DRICH1: variants seen among roughly 807,000 people sequenced by gnomAD.
DRICH1 encodes aspartate rich 1, also known as aspartate-rich protein 1.
A neutral mutation model predicts 39.5 loss-of-function variants in DRICH1; 38 were observed. The ratio of observed to expected loss-of-function variants is 0.96; its 90% CI spans 0.74 to 1.26. The LOEUF (loss-of-function observed/expected upper bound fraction) is 1.26. DRICH1 is among the 50% of genes most tolerant of loss of function. The probability of loss-of-function intolerance (pLI) is 0.00; values close to 1 mark genes in which losing one functional copy is unlikely to be tolerated. For missense variants in DRICH1, 279 were observed against 270.4 expected (o/e 1.03, Z -0.22); for synonymous variants, 84 against 99.5 (o/e 0.84, Z 0.93).
chr22:23,585,098 CCTCT>C, the DRICH1 span, among the ~76,000 whole-genome samples: 2 of 150,942 alleles, frequency 1.3e-5, no homozygotes, highest in Non-Finnish European at 3.0e-5. Flanking sequence ...TCTTTTTTTT[CCTCT>C]CTCTCTCCTT....
In DRICH1 at chr22:23,632,212, T is replaced by A; in HGVS notation, c.-189A>T. 1.1e-6 allele frequency: 1 copy of A among 907,124 alleles called. No individual in the cohort carries two copies. The highest frequency in any genetic ancestry group is 1.6e-6 in the Non-Finnish European group (1 of 617,634). The allele number at this position is 907,124 out of a possible 1,614,324, so 56.2% of individuals were successfully genotyped here. A position where few individuals can be genotyped will look rare whatever the true frequency, so the allele number is the denominator to read the frequency against. On this transcript the variant is annotated 5_prime_UTR_variant, in exon 1 of 12. Coordinates refer to ENST00000317749, the MANE Select transcript of DRICH1 (RefSeq NM_016449.4). ...TAGCTGGTCTATGAGGTCAGGGACC[T>A]GCTGTCTTCTTTGAAAAATAAACGA...
At chr22:23,609,143 C>A (rs1490425494) in intron 11 of DRICH1, among the ~76,000 whole-genome samples, 1 of 152,088 alleles carries the variant, frequency 6.6e-6, no homozygotes, top group East Asian at 1.9e-4. Flanking sequence ...AAACTGACAC[C>A]CCAGACAGCT....
chr22:23,591,157 C>T, the DRICH1 span, among the ~76,000 whole-genome samples: 2 of 152,150 alleles, frequency 1.3e-5, no homozygotes, highest in African/African-American at 2.4e-5. Context: ...ACAGCTGGAA[C>T]GGGGCTCCCC....
the DRICH1 span, among the ~76,000 whole-genome samples, chr22:23,601,207 G>C: frequency 2.6e-5 from 4 of 151,836 alleles, no homozygotes; most frequent in African/African-American, 9.7e-5. Flanking sequence ...CATTCAACTG[G>C]TGAATGGCTA....
downstream of DRICH1, among the ~76,000 whole-genome samples, chr22:23,606,415 A>G (rs1926734212): frequency 1.3e-5 from 2 of 152,068 alleles, no homozygotes; most frequent in South Asian, 4.2e-4. Flanking sequence ...CCCCCTTCCC[A>G]TAGAGCCCCA....
At chr22:23,594,343 T>C in the DRICH1 span, among the ~76,000 whole-genome samples, 2 of 151,922 alleles carry the variant, frequency 1.3e-5, no homozygotes, top group East Asian at 3.9e-4. Context: ...CCAAGGGAGG[T>C]GGATCACCTG....
the DRICH1 span, among the ~76,000 whole-genome samples, chr22:23,585,193 A>G: frequency 1.3e-5 from 2 of 151,794 alleles, no homozygotes; most frequent in African/African-American, 4.8e-5. Context: ...GCTGGAGTGC[A>G]GTGGTGCAAT....
downstream of DRICH1, among the ~76,000 whole-genome samples, chr22:23,605,210 C>T (rs1273926732): frequency 1.3e-5 from 2 of 152,154 alleles, no homozygotes; most frequent in African/African-American, 4.8e-5. Flanking sequence ...TGTAAATGAA[C>T]CCAGATGCTC....
the DRICH1 span, among the ~76,000 whole-genome samples, chr22:23,601,465 C>T: frequency 6.6e-6 from 1 of 152,216 alleles, no homozygotes; most frequent in Non-Finnish European, 1.5e-5. Flanking sequence ...CCAGAAATCA[C>T]ATACTGTATG....
chr22:23,595,250 A>G, the DRICH1 span, among the ~76,000 whole-genome samples: 1 of 147,766 alleles, frequency 6.8e-6, no homozygotes, highest in Admixed American at 6.8e-5. Context: ...TCCCAATATA[A>G]GCTCTTGGTC....
chr22:23,590,159 T>C, the DRICH1 span, among the ~76,000 whole-genome samples: 1 of 152,194 alleles, frequency 6.6e-6, no homozygotes, highest in Admixed American at 6.5e-5. Context: ...TCCAGAGCCA[T>C]GAATCCTGGC....
chr22:23,597,462 C>T, the DRICH1 span, among the ~76,000 whole-genome samples: 43,735 of 120,442 alleles, frequency 0.36, 8,180 homozygotes, highest in East Asian at 0.5. Flanking sequence ...ATGATCACAC[C>T]ACTGCACTCC....
chr22:23,581,858 C>T, the DRICH1 span, among the ~76,000 whole-genome samples: 1 of 151,958 alleles, frequency 6.6e-6, no homozygotes, highest in Non-Finnish European at 1.5e-5. Context: ...CCCGCCTGGG[C>T]CTCCCAAAGT....
chr22:23,611,029 C>T (rs548763728), intron 11 of DRICH1, among the ~76,000 whole-genome samples: 2 of 152,190 alleles, frequency 1.3e-5, no homozygotes, highest in East Asian at 1.9e-4. Context: ...CTTTTCACTC[C>T]CTGAGCCAAG....
the DRICH1 span, among the ~76,000 whole-genome samples, chr22:23,595,065 C>G: frequency 1.2e-4 from 18 of 149,142 alleles, no homozygotes; most frequent in South Asian, 8.9e-4. Flanking sequence ...CCACCCAGGT[C>G]CTCAGTGTCC....
At position 23,608,696 on chromosome 22, in the gene DRICH1, T is replaced by C. The variant is rs371103176; in HGVS notation, c.*68A>G. ...GGATTGAGACCTCCAGGGGCAAAGC[T>C]GGGGACCCTGCAGCACGCGCTGGCC... On this transcript the variant is annotated 3_prime_UTR_variant, in exon 12 of 12. Transcript: ENST00000317749. The C allele has an allele frequency of 1.2e-3, 1,872 of 1,508,644 alleles. 20 individuals are homozygous for C. Among genetic ancestry groups the C allele is most frequent in the African/African-American group, 7.2e-3 (519 of 72,278 alleles). The allele number at this position is 1,508,644 out of a possible 1,614,324, so 93.5% of individuals were successfully genotyped here. A position where few individuals can be genotyped will look rare whatever the true frequency, so the allele number is the denominator to read the frequency against.
the DRICH1 span, among the ~76,000 whole-genome samples, chr22:23,595,338 C>A: frequency 6.7e-6 from 1 of 149,632 alleles, no homozygotes; most frequent in African/African-American, 2.5e-5. Flanking sequence ...GTGAGGAGTG[C>A]AGCTCTAAGC....
intron 1 of DRICH1, 121 bp from the exon 2 acceptor site, chr22:23,626,169 A>G: frequency 4.4e-6 from 3 of 688,044 alleles, no homozygotes; most frequent in Non-Finnish European, 7.8e-6. Flanking sequence ...CATCTCAGAG[A>G]AACAACTGTG....
chr22:23,592,650 T>C, the DRICH1 span, among the ~76,000 whole-genome samples: 121 of 152,040 alleles, frequency 8.0e-4, 1 homozygote, highest in African/African-American at 2.9e-3. Flanking sequence ...GAGGCTGATA[T>C]TGGGCACCTC....
Sources: gnomAD v4.1 joint callset for allele counts (sites outside exome capture counted in the v4.1 genomes callset) on GRCh38, gnomAD v4.1.1 for gene constraint, MANE v1.5 for transcripts, NCBI Gene and HGNC (gene_info 2026-07-23, HGNC 2026-07-21) for gene names.